The following CUX2 variants were observed in gnomAD, a reference collection of about 807,000 sequenced individuals.
CUX2 encodes homeobox protein cut-like 2.
In CUX2, 40 loss-of-function variants were observed where a neutral mutation model predicts 144.8. The ratio of observed to expected loss-of-function variants is 0.28; its 90% confidence interval spans 0.21 to 0.36. The LOEUF (loss-of-function observed/expected upper bound fraction) is 0.36, where lower values mean the gene tolerates loss of function less well. Ranked by LOEUF, CUX2 falls within the 10% of genes least tolerant of loss-of-function variation. The probability of loss-of-function intolerance (pLI) is 1.00; values close to 1 mark genes in which losing one functional copy is unlikely to be tolerated. For synonymous variants in CUX2, 827 were observed against 875.6 expected (o/e 0.94, Z 0.98); for missense variants, 1,615 against 1,994.0 (o/e 0.81, Z 3.62).
rs761841742 is a variant in CUX2, at chr12:111,341,795, G to A, written c.3401G>A (p.Arg1134His). Residue 1134 changes from arginine (R) to histidine (H), a missense_variant, in exon 21 of 22, where the codon CGC becomes CAC. By Grantham distance (29) the Arg-to-His change is conservative (BLOSUM62 0). This residue lies in a region of CUX2 where 131 missense variants were observed against 223.1 expected (regional missense o/e 0.59). Coordinates refer to ENST00000261726, the MANE Select transcript of CUX2 (RefSeq NM_015267.4). ...CTGGCCCCAGCCTACCTGAAACGTC[G>A]CTATGGCCTCATCAGCACCGGCTCA... ...KLEKKAYLKR[R>H]YGLISTGSDS... The A allele has an allele frequency of 6.9e-6, 11 of 1,603,178 alleles. No individual in the cohort carries two copies. The highest frequency in any genetic ancestry group is 2.2e-5 in the East Asian group (1 of 44,766).
At chr12:111,275,469 A>G (rs1468526870) in intron 4 of CUX2, among the ~76,000 whole-genome samples, 1 of 152,328 alleles carries the variant, frequency 6.6e-6, no homozygotes, top group East Asian at 1.9e-4. Context: ...TGGGGCTGGC[A>G]GCTCTGGGCA....
intron 3 of CUX2, among the ~76,000 whole-genome samples, chr12:111,254,717 AC>A (rs1883726024): frequency 6.6e-6 from 1 of 152,218 alleles, no homozygotes. Flanking sequence ...TTAGTGACTT[AC>A]CCCTAAGGAT....
chr12:111,274,735 C>T (rs564115439), intron 4 of CUX2, among the ~76,000 whole-genome samples: 2 of 152,334 alleles, frequency 1.3e-5, no homozygotes, highest in East Asian at 1.9e-4. Context: ...CCCCCGCAGG[C>T]GCCCGGAGCC....
At chr12:111,276,627 TTTTGTTTG>T (rs548007873) in intron 4 of CUX2, among the ~76,000 whole-genome samples, 2 of 151,092 alleles carry the variant, frequency 1.3e-5, no homozygotes, top group South Asian at 2.1e-4. Context: ...GTTGTTTCCT[TTTTGTTTG>T]TTTGTTTGTT....
chr12:111,282,615 A>G (rs1885169078), intron 4 of CUX2, among the ~76,000 whole-genome samples: 1 of 139,722 alleles, frequency 7.2e-6, no homozygotes, highest in Admixed American at 7.1e-5. Flanking sequence ...AACAAGCGTG[A>G]AACTCCATCT....
intron 1 of CUX2, among the ~76,000 whole-genome samples, chr12:111,134,614 C>CTGTGTGTGTGTG (rs1159711656): frequency 3.5e-5 from 5 of 144,270 alleles, no homozygotes; most frequent in African/African-American, 1.5e-4. Context: ...CTCTCTCTCT[C>CTGTGTGTGTGTG]TCTCTCTGTG....
chr12:111,305,924 T>G (rs990197870), intron 10 of CUX2, among the ~76,000 whole-genome samples: 2 of 152,096 alleles, frequency 1.3e-5, no homozygotes, highest in Non-Finnish European at 2.9e-5. Context: ...CTGCATGTGT[T>G]AGTGTGTGCT....
intron 16 of CUX2, among the ~76,000 whole-genome samples, chr12:111,313,121 G>A (rs542788178): frequency 8.7e-4 from 133 of 152,176 alleles, no homozygotes; most frequent in Non-Finnish European, 6.6e-4. Flanking sequence ...GAGTGCAGTG[G>A]CGCAGTCTCA....
At chr12:111,161,665 C>T (rs994600112) in intron 1 of CUX2, among the ~76,000 whole-genome samples, 6 of 152,138 alleles carry the variant, frequency 3.9e-5, no homozygotes, top group African/African-American at 1.4e-4. Context: ...TGAAACAGGG[C>T]AGTTCAACTG....
chr12:111,206,076 C>A (rs940401158), intron 1 of CUX2, among the ~76,000 whole-genome samples: 2 of 152,202 alleles, frequency 1.3e-5, no homozygotes, highest in African/African-American at 4.8e-5. Flanking sequence ...TGGTGCACAC[C>A]TGTAATCTAA....
chr12:111,320,581 A>G lies in CUX2; in HGVS notation c.2572A>G (p.Thr858Ala). 1 of 1,533,870 alleles carries G rather than the reference A, an allele frequency of 6.5e-7. No individual in the cohort carries two copies. The highest frequency in any genetic ancestry group is 8.7e-7 in the Non-Finnish European group (1 of 1,148,884). ...GGGCGAGCTCAAGGCTGAGGGCGCG[A>G]CGGCCGAGGCGGGCGCGCGGCTGCC... Reference protein sequence around the residue: ...RTGELKAEGATAEAGARLPYY... With the variant: ...RTGELKAEGAAAEAGARLPYY... The change falls in exon 17 of 22, where the codon ACG becomes GCG. Residue 858 changes from threonine (T) to alanine (A), a missense_variant. Physicochemically the swap from Thr to Ala is moderately conservative, Grantham distance 58. This residue lies in a region of CUX2 where 390 missense variants were observed against 387.1 expected (regional missense o/e 1.01). Coordinates refer to ENST00000261726, the MANE Select transcript of CUX2 (RefSeq NM_015267.4). The surrounding 1 kb of genome is among the most constrained non-coding windows in gnomAD (Gnocchi z 8.1).
chr12:111,253,278 C>T (rs910560199), intron 3 of CUX2, among the ~76,000 whole-genome samples: 9 of 151,264 alleles, frequency 5.9e-5, no homozygotes, highest in African/African-American at 9.8e-5. Context: ...ACTGGGCCCT[C>T]GCAGTGACCC....
chr12:111,252,703 C>G (rs901735722), intron 3 of CUX2, among the ~76,000 whole-genome samples: 1 of 151,660 alleles, frequency 6.6e-6, no homozygotes, highest in Non-Finnish European at 1.5e-5. Flanking sequence ...ATTGCCCACT[C>G]TGTGCCCAGC....
chr12:111,307,225 G>A lies in CUX2; in HGVS notation c.1077G>A (p.Gln359=). ...IEKLEEKLQA[Q]SDYEEIKTEL... Reference sequence around the variant, plus strand: ...AGCTGGAAGAGAAGCTCCAGGCCCAGTCTGACTATGAGGAAATTAAAACGG... The same window carrying A: ...AGCTGGAAGAGAAGCTCCAGGCCCAATCTGACTATGAGGAAATTAAAACGG... The change falls in exon 12 of 22, where the codon CAG becomes CAA. Residue 359 remains glutamine, a synonymous_variant. Coordinates refer to ENST00000261726, the MANE Select transcript of CUX2 (RefSeq NM_015267.4). This position sits in a 1 kb window ranked among gnomAD's most constrained non-coding sequence, Gnocchi z 4.1. The A allele has an allele frequency of 1.9e-6, 3 of 1,614,206 alleles. No individual in the cohort carries two copies. Among genetic ancestry groups the A allele is most frequent in the Non-Finnish European group, 2.5e-6 (3 of 1,180,030 alleles).
intron 1 of CUX2, among the ~76,000 whole-genome samples, chr12:111,156,992 A>AAAAAC (rs1877424387): frequency 2.0e-5 from 3 of 150,336 alleles, no homozygotes; most frequent in Non-Finnish European, 3.0e-5. Flanking sequence ...TCTCAAAAAA[A>AAAAAC]AAAAAAAAAA....
At chr12:111,193,144 G>A (rs773678483) in intron 1 of CUX2, among the ~76,000 whole-genome samples, 2 of 152,206 alleles carry the variant, frequency 1.3e-5, no homozygotes, top group Non-Finnish European at 2.9e-5. Flanking sequence ...TTGGTGGTCA[G>A]GGTGGCGGAA....
intron 1 of CUX2, among the ~76,000 whole-genome samples, chr12:111,149,394 A>G (rs1398463055): frequency 6.6e-6 from 1 of 152,050 alleles, no homozygotes; most frequent in Admixed American, 6.5e-5. Context: ...AGGGTTTTCA[A>G]CCTTGACACT....
chr12:111,291,589 C>T, intron 5 of CUX2, 37 bp downstream of exon 5: 2 of 1,527,786 alleles, frequency 1.3e-6, no homozygotes, highest in East Asian at 2.4e-5. Context: ...CTACAATAAA[C>T]AACCAGGCTG....
intron 5 of CUX2, among the ~76,000 whole-genome samples, chr12:111,292,832 G>C (rs1885762604): frequency 6.6e-6 from 1 of 151,754 alleles, no homozygotes; most frequent in Non-Finnish European, 1.5e-5. Flanking sequence ...GGTTAAAATA[G>C]TGAATTTTGG....
Sources: allele counts gnomAD v4.1 joint callset (sites outside exome capture counted in the v4.1 genomes callset), GRCh38; gene constraint gnomAD v4.1.1; regional missense constraint gnomAD v4.1.1; non-coding constraint Gnocchi (gnomAD v3.1); transcripts MANE v1.5; gene names NCBI Gene and HGNC (gene_info 2026-07-23, HGNC 2026-07-21).